Variants in RAB21 observed in about 807,000 individuals in gnomAD.
The protein encoded by RAB21 is RAB21, member RAS oncogene family, also known as ras-related protein Rab-21.
RAB21 carries 13 observed loss-of-function variants against 33.1 expected under a neutral mutation model. The ratio of observed to expected loss-of-function variants is 0.39; its 90% CI spans 0.26 to 0.62. The LOEUF is 0.62. Ranked by LOEUF, RAB21 falls within the 20% of genes least tolerant of loss-of-function variation. The probability of loss-of-function intolerance (pLI) is 0.48; values close to 1 mark genes in which losing one functional copy is unlikely to be tolerated. For synonymous variants in RAB21, 91 were observed against 103.7 expected (o/e 0.88, Z 0.74); for missense variants, 234 against 279.1 (o/e 0.84, Z 1.15).
Position 71,757,821 on chromosome 12 carries a change from A to G in RAB21, c.159+2533A>G, listed in dbSNP as rs1882807549. Among the ~76,000 whole-genome samples the G allele has an allele frequency of 2.6e-5, 4 of 152,196 alleles. No homozygotes were observed. In the South Asian group the frequency reaches 8.3e-4, roughly 31 times the overall value. The stretch of plus-strand genomic sequence containing the variant: ...TACCTGTCTATGTAAACTACTTTGT[A>G]TTTTATAAAGTACATTCTCATACAT... On this transcript the variant is annotated intron_variant, in intron 1 of 6. Coordinates refer to ENST00000261263, the MANE Select transcript of RAB21 (RefSeq NM_014999.4).
Position 71,770,718 on chromosome 12 carries a change from G to GA in RAB21, c.327+20dup. The GA allele has an allele frequency of 6.9e-7, 1 of 1,449,972 alleles. No homozygotes were observed. Among genetic ancestry groups the GA allele is most frequent in the Non-Finnish European group, 9.6e-7 (1 of 1,042,300 alleles). 89.8% of individuals were successfully genotyped at this position (1,449,972 alleles called of 1,614,324 possible). A position where few individuals can be genotyped will look rare whatever the true frequency, so the allele number is the denominator to read the frequency against. On this transcript the variant is annotated intron_variant, in intron 3 of 6. Coordinates refer to ENST00000261263, the MANE Select transcript of RAB21 (RefSeq NM_014999.4). ...TCAGAAGGTATTCTATTCATGGGTA[G>GA]ATGTCTTAGAAGAACAATAGTAATT...
rs1321573700 is a variant in RAB21, at chr12:71,794,830, G to C, written c.*9157G>C. The C allele has an allele frequency of 6.7e-6, 1 of 149,822 alleles. No individual in the cohort carries two copies. Among genetic ancestry groups the C allele is most frequent in the African/African-American group, 2.4e-5 (1 of 40,842 alleles). 9.3% of individuals were successfully genotyped at this position (149,822 alleles called of 1,614,324 possible). ...TGAGCCCCTGTAATCCCAGCTACTT[G>C]GGAGGCTGAGGCAGGAGAATTGCTT... On this transcript the variant is annotated 3_prime_UTR_variant, in exon 7 of 7. Coordinates refer to ENST00000261263, the MANE Select transcript of RAB21 (RefSeq NM_014999.4).
At position 71,769,852 on chromosome 12, in the gene RAB21, C is replaced by A; in HGVS notation, c.212C>A (p.Ala71Asp). 7.3e-7 allele frequency: 1 copy of A among 1,367,462 alleles called. No individual in the cohort carries two copies. The highest frequency in any genetic ancestry group is 9.7e-7 in the Non-Finnish European group (1 of 1,035,650). The allele number at this position is 1,367,462 out of a possible 1,614,324, so 84.7% of individuals were successfully genotyped here. ...LNIGGKRVNLAIWDTAGQERF... is the reference protein window; with the variant it reads ...LNIGGKRVNLDIWDTAGQERF... ...ATTGGTGGGAAAAGAGTAAACCTTG[C>A]CATATGGGTAAGTGAACTTTTTCAA... The change falls in exon 2 of 7, where the codon GCC becomes GAC. Residue 71 changes from alanine to aspartate, a missense_variant. By Grantham distance (126) the Ala-to-Asp change is moderately radical. Coordinates refer to ENST00000261263, the MANE Select transcript of RAB21 (RefSeq NM_014999.4).
At chr12:71,768,499 C>T (rs183996566) in intron 1 of RAB21, among the ~76,000 whole-genome samples, 1 of 152,224 alleles carries the variant, frequency 6.6e-6, no homozygotes, top group Admixed American at 6.5e-5. Context: ...ATTTTGTCTT[C>T]AGTAACTCTT....
rs182828956 is a variant in RAB21, at chr12:71,774,052, A to T, written c.391+30A>T. The stretch of plus-strand genomic sequence containing the variant: ...GCATCATTACTTTTTTCTAAAAAAA[A>T]AGTCCTCTGTTTCCTTAATGTTTTA... On this transcript the variant is annotated intron_variant, in intron 4 of 6. Coordinates refer to ENST00000261263, the MANE Select transcript of RAB21 (RefSeq NM_014999.4). 39 of 1,468,834 alleles carry T rather than the reference A, an allele frequency of 2.7e-5. No homozygotes were observed. In the East Asian group the frequency reaches 8.2e-4, roughly 31 times the overall value. The allele number at this position is 1,468,834 out of a possible 1,614,324, so 91.0% of individuals were successfully genotyped here.
intron 4 of RAB21, among the ~76,000 whole-genome samples, chr12:71,778,765 T>G (rs892499272): frequency 7.2e-5 from 11 of 151,914 alleles, no homozygotes; most frequent in African/African-American, 2.7e-4. Flanking sequence ...AGATTTGGGG[T>G]GCAAGGGGGA....
At chr12:71,772,542 G>A (rs1217602059) in intron 3 of RAB21, among the ~76,000 whole-genome samples, 1 of 152,100 alleles carries the variant, frequency 6.6e-6, no homozygotes, top group Non-Finnish European at 1.5e-5. Flanking sequence ...TGCTTGTGGA[G>A]GGGTATCTAA....
chr12:71,767,717 C>T (rs1465127125), intron 1 of RAB21, among the ~76,000 whole-genome samples: 1 of 152,148 alleles, frequency 6.6e-6, no homozygotes, highest in Non-Finnish European at 1.5e-5. Context: ...AGTTTCTAAA[C>T]TTCAATGAGA....
At chr12:71,779,279 C>T (rs1287821782) in intron 4 of RAB21, among the ~76,000 whole-genome samples, 1 of 151,920 alleles carries the variant, frequency 6.6e-6, no homozygotes, top group Non-Finnish European at 1.5e-5. Context: ...AGCAACATGG[C>T]AAAACCCCAT....
At chr12:71,759,041 C>CA (rs1174913784) in intron 1 of RAB21, among the ~76,000 whole-genome samples, 1 of 151,964 alleles carries the variant, frequency 6.6e-6, no homozygotes, top group African/African-American at 2.4e-5. Context: ...TTAATTGCTT[C>CA]AAAAAAAGGC....
Position 71,787,889 on chromosome 12 carries a change from ACCT to A in RAB21, c.*2220_*2222del, listed in dbSNP as rs1327125506. ...TGGGTATCACGGTACTTTGTTTTTG[ACCT>A]CCTGGCTCTTTCAGACAGAGTGAAG... On this transcript the variant is annotated 3_prime_UTR_variant, in exon 7 of 7. Coordinates refer to ENST00000261263, the MANE Select transcript of RAB21 (RefSeq NM_014999.4). The A allele has an allele frequency of 6.6e-6, 1 of 151,954 alleles. No individual in the cohort carries two copies. 9.4% of individuals were successfully genotyped at this position (151,954 alleles called of 1,614,324 possible).
chr12:71,770,440 G>T (rs1592646036), intron 2 of RAB21, 152 bp from the exon 3 acceptor site: 1 of 611,650 alleles, frequency 1.6e-6, no homozygotes, highest in Non-Finnish European at 2.9e-6. Context: ...TTTGTGTGTG[G>T]CCTGTTTTGC....
intron 6 of RAB21, among the ~76,000 whole-genome samples, chr12:71,783,316 A>T (rs889614569): frequency 2.0e-5 from 3 of 151,796 alleles, no homozygotes; most frequent in African/African-American, 7.3e-5. Context: ...AAAAAGGAAA[A>T]TAAATTTATA....
At position 71,782,719 on chromosome 12, in the gene RAB21, T is replaced by C. The variant is rs1474397849; in HGVS notation, c.535+61T>C. 1.2e-4 allele frequency: 139 copies of C among 1,171,054 alleles called. No homozygotes were observed. The South Asian group carries it at 2.1e-3, about 17-fold the overall frequency. 72.5% of individuals were successfully genotyped at this position (1,171,054 alleles called of 1,614,324 possible). On this transcript the variant is annotated intron_variant, in intron 6 of 6. Coordinates refer to ENST00000261263, the MANE Select transcript of RAB21 (RefSeq NM_014999.4). ...TTTTTGGTTTTTATTTTTTAAAAAA[T>C]AGTATGTATTTTACACCAGTGTTAC...
At chr12:71,784,844 T>A (rs571079591) in intron 6 of RAB21, among the ~76,000 whole-genome samples, 11 of 152,166 alleles carry the variant, frequency 7.2e-5, no homozygotes, top group African/African-American at 2.4e-4. Context: ...ATAAGCCCAG[T>A]GCTTTATGAG....
intron 6 of RAB21, among the ~76,000 whole-genome samples, chr12:71,783,797 A>G (rs1286027808): frequency 1.3e-5 from 2 of 152,182 alleles, no homozygotes; most frequent in Non-Finnish European, 2.9e-5. Flanking sequence ...CCTCATTTCT[A>G]CAAGCACCCA....
Position 71,798,658 on chromosome 12 carries a change from C to T in RAB21, c.*12985C>T, listed in dbSNP as rs187322044. 7.9e-5 allele frequency: 12 copies of T among 152,154 alleles called. No individual in the cohort carries two copies. The highest frequency in any genetic ancestry group is 2.9e-4 in the African/African-American group (12 of 41,532). 9.4% of individuals were successfully genotyped at this position (152,154 alleles called of 1,614,324 possible). ...TTACTAAGAGAAGTATAAGACAAAA[C>T]TATACTGAGATACCAGTTTTTTAAC... On this transcript the variant is annotated 3_prime_UTR_variant, in exon 7 of 7. Coordinates refer to ENST00000261263, the MANE Select transcript of RAB21 (RefSeq NM_014999.4).
intron 1 of RAB21, among the ~76,000 whole-genome samples, chr12:71,762,526 C>T (rs1882889920): frequency 6.6e-6 from 1 of 151,722 alleles, no homozygotes; most frequent in South Asian, 2.1e-4. Context: ...AGGATGGTCT[C>T]GATCTCCTGA....
At position 71,789,595 on chromosome 12, in the gene RAB21, C is replaced by A. The variant is rs1883349623; in HGVS notation, c.*3922C>A. On this transcript the variant is annotated 3_prime_UTR_variant, in exon 7 of 7. Coordinates refer to ENST00000261263, the MANE Select transcript of RAB21 (RefSeq NM_014999.4). ...AAAAGGATATAGATAGTAGTAGTGA[C>A]CCGCAGGAGCCTCACAATAATGTCT... 1 of 152,032 alleles carries A rather than the reference C, an allele frequency of 6.6e-6. No homozygotes were observed. The highest frequency in any genetic ancestry group is 2.4e-5 in the African/African-American group (1 of 41,422). 9.4% of individuals were successfully genotyped at this position (152,032 alleles called of 1,614,324 possible). A position where few individuals can be genotyped will look rare whatever the true frequency, so the allele number is the denominator to read the frequency against.
Sources: gnomAD v4.1 joint callset for allele counts (sites outside exome capture counted in the v4.1 genomes callset) on GRCh38, gnomAD v4.1.1 for gene constraint, MANE v1.5 for transcripts, NCBI Gene and HGNC (gene_info 2026-07-23, HGNC 2026-07-21) for gene names.